IFNAR2: variants seen among roughly 807,000 people sequenced by gnomAD.
The protein encoded by IFNAR2 is interferon alpha and beta receptor subunit 2.
Under a neutral mutation model 49.4 loss-of-function variants are expected in IFNAR2, and 30 were observed. The observed-to-expected ratio is 0.61, with a 90% CI of 0.45 to 0.82. The LOEUF is 0.82. Among genes scored for constraint, IFNAR2 ranks in the 40% least tolerant of loss-of-function variants. IFNAR2 has a pLI of 0.00. For missense variants in IFNAR2, 600 were observed against 622.7 expected, an observed-to-expected ratio of 0.96 and a Z score of 0.39; for synonymous variants, 224 against 234.5, an observed-to-expected ratio of 0.96 and a Z score of 0.41.
chr21:33,262,759 A>G (rs1260769413), intron 8 of IFNAR2, 34 bp from the exon 9 acceptor site: 6 of 1,576,116 alleles, frequency 3.8e-6, no homozygotes, highest in African/African-American at 2.8e-5. Flanking sequence ...TACAGCTGAT[A>G]CGGACTCTCT....
intron 4 of IFNAR2, among the ~76,000 whole-genome samples, 169 bp from the exon 5 acceptor site, chr21:33,246,549 G>C (rs772975118): frequency 1.1e-4 from 16 of 152,184 alleles, no homozygotes; most frequent in Non-Finnish European, 2.1e-4. Flanking sequence ...GTGCAGGGGT[G>C]GGGAGGGCAT....
At position 33,246,700 on chromosome 21, in the gene IFNAR2, A is replaced by C. The variant is rs367660460; in HGVS notation, c.222-18A>C. On this transcript the variant is annotated intron_variant, in intron 4 of 8. Transcript: ENST00000342136. ...TCAATGCTAACAATTTCCTTTTTCC[A>C]TTTTTTTCTTTCCAAAGTAAACCAG... 2 of 1,600,040 alleles carry C rather than the reference A, an allele frequency of 1.2e-6. No homozygotes were observed. Among genetic ancestry groups the C allele is most frequent in the African/African-American group, 1.3e-5 (1 of 74,146 alleles).
At chr21:33,251,038 A>G (rs1480782277) in intron 6 of IFNAR2, among the ~76,000 whole-genome samples, 1 of 152,198 alleles carries the variant, frequency 6.6e-6, no homozygotes, top group Middle Eastern at 3.2e-3. Context: ...GAGAACCCGC[A>G]GCTAGAGAGA....
At chr21:33,242,374 CT>C (rs987980789) in intron 2 of IFNAR2, among the ~76,000 whole-genome samples, 2 of 152,084 alleles carry the variant, frequency 1.3e-5, no homozygotes, top group Non-Finnish European at 2.9e-5. Context: ...ACAATTGCCT[CT>C]GAGGACATTC....
chr21:33,238,910 A>C (rs1986695028), intron 1 of IFNAR2, among the ~76,000 whole-genome samples: 1 of 152,262 alleles, frequency 6.6e-6, no homozygotes, highest in Non-Finnish European at 1.5e-5. Flanking sequence ...GTTCCATCAC[A>C]AAGAGTAAGA....
intron 1 of IFNAR2, among the ~76,000 whole-genome samples, chr21:33,231,388 A>C (rs892781758): frequency 6.6e-6 from 1 of 152,262 alleles, no homozygotes; most frequent in African/African-American, 2.4e-5. Flanking sequence ...CCACAATTTT[A>C]GATAATCAAA....
chr21:33,260,609 C>A lies in IFNAR2; in HGVS notation c.722C>A (p.Ser241Tyr). ...PPGQESESAESAKIGGIITVF... is the reference protein window; with the variant it reads ...PPGQESESAEYAKIGGIITVF... ...TTTTCATCAACAGAATCAGCAGAAT[C>A]TGCCAAAATAGGAGGAATAATTACT... The change falls in exon 8 of 9, where the codon TCT (serine) becomes TAT (tyrosine). Residue 241 changes from serine to tyrosine, a missense_variant. Physicochemically the swap from Ser to Tyr is moderately radical, Grantham distance 144 (BLOSUM62 -2). Coordinates refer to ENST00000342136, the MANE Select transcript of IFNAR2 (RefSeq NM_001289125.3). The A allele has an allele frequency of 1.3e-6, 2 of 1,581,480 alleles. No individual in the cohort carries two copies. Among genetic ancestry groups the A allele is most frequent in the Non-Finnish European group, 1.7e-6 (2 of 1,171,028 alleles).
chr21:33,248,104 A>C (rs2834162), intron 5 of IFNAR2, among the ~76,000 whole-genome samples: 25,108 of 152,240 alleles, frequency 0.16, 2,295 homozygotes, highest in African/African-American at 0.2. Context: ...TTTAGAGGGA[A>C]TACAAAGAGT....
rs181827614 is a variant in IFNAR2, at chr21:33,235,597, G to T, written c.-84+5381G>T. ...TTCCACAGTCTCTCTCTCTCAACACGTAATGTTTTTTTGTTTGCTATTTAA... is the reference window on the plus strand; with the variant it reads ...TTCCACAGTCTCTCTCTCTCAACACTTAATGTTTTTTTGTTTGCTATTTAA... On this transcript the variant is annotated intron_variant, in intron 1 of 8. Transcript: ENST00000342136. Among the ~76,000 whole-genome samples, 3 of 152,010 alleles carry T rather than the reference G, an allele frequency of 2.0e-5. No homozygotes were observed. The South Asian group carries it at 6.2e-4, about 32-fold the overall frequency.
At position 33,245,012 on chromosome 21, in the gene IFNAR2, A is replaced by G. The variant is rs780063983; in HGVS notation, c.159A>G (p.Ser53=). The G allele has an allele frequency of 1.9e-6, 3 of 1,607,968 alleles. No individual in the cohort carries two copies. Among genetic ancestry groups the G allele is most frequent in the Non-Finnish European group, 1.7e-6 (2 of 1,174,812 alleles). The change falls in exon 4 of 9, where the codon TCA becomes TCG. Residue 53 remains serine (S), a synonymous_variant. Coordinates refer to ENST00000342136, the MANE Select transcript of IFNAR2 (RefSeq NM_001289125.3). ...ISLRNFRSIL[S]WELKNHSIVP... is the part of the protein sequence containing the mutation. ...TGCGAAATTTCCGGTCCATCTTATC[A>G]TGGGAATTAAAAAACCACTCCATTG...
At chr21:33,260,826 T>A in intron 8 of IFNAR2, 99 bp downstream of exon 8, 2 of 737,992 alleles carry the variant, frequency 2.7e-6, no homozygotes, top group Non-Finnish European at 4.0e-6. Context: ...GAAGAAAATC[T>A]CATTTTCTAT....
Position 33,264,015 on chromosome 21 carries a change from T to G in IFNAR2, c.*515T>G, listed in dbSNP as rs1376466091. ...CTGGGATTACAGGCGCCTGCCACCA[T>G]GCCTAGCAAATTTTTGTATTTTTAG... On this transcript the variant is annotated 3_prime_UTR_variant, in exon 9 of 9. Transcript: ENST00000342136. The G allele has an allele frequency of 6.5e-6, 1 of 153,142 alleles. No homozygotes were observed. Among genetic ancestry groups the G allele is most frequent in the Non-Finnish European group, 1.5e-5 (1 of 68,896 alleles). 9.5% of individuals were successfully genotyped at this position (153,142 alleles called of 1,614,324 possible).
Position 33,260,596 on chromosome 21 carries a change from G to T in IFNAR2, c.710-1G>T. 1 of 1,575,638 alleles carries T rather than the reference G, an allele frequency of 6.3e-7. No homozygotes were observed. The highest frequency in any genetic ancestry group is 8.6e-7 in the Non-Finnish European group (1 of 1,168,506). On this transcript the variant is annotated splice_acceptor_variant, in intron 7 of 8. Coordinates refer to ENST00000342136, the MANE Select transcript of IFNAR2 (RefSeq NM_001289125.3). LOFTEE classifies it high-confidence loss of function. Reference sequence around the variant, plus strand: ...AAAGTCATTTAATTTTTCATCAACAGAATCAGCAGAATCTGCCAAAATAGG... The same window carrying T: ...AAAGTCATTTAATTTTTCATCAACATAATCAGCAGAATCTGCCAAAATAGG...
intron 1 of IFNAR2, among the ~76,000 whole-genome samples, chr21:33,239,078 G>A (rs1333483257): frequency 1.3e-5 from 2 of 152,142 alleles, no homozygotes; most frequent in African/African-American, 4.8e-5. Context: ...CCCCGCGGGT[G>A]GTCAGTGTGA....
intron 7 of IFNAR2, among the ~76,000 whole-genome samples, chr21:33,255,359 C>T (rs1313327128): frequency 6.6e-6 from 1 of 152,214 alleles, no homozygotes; most frequent in Non-Finnish European, 1.5e-5. Flanking sequence ...ATGCCAGCCA[C>T]AAGTCATGGG....
At chr21:33,261,035 C>CTTTTTTTTTTTTTTTTT (rs368696822) in intron 8 of IFNAR2, among the ~76,000 whole-genome samples, 2 of 95,998 alleles carry the variant, frequency 2.1e-5, no homozygotes, top group African/African-American at 4.4e-5. Flanking sequence ...GTTTTCTTTC[C>CTTTTTTTTTTTTTTTTT]TTTTTTTTTT....
chr21:33,232,388 A>G (rs538109776), intron 1 of IFNAR2, among the ~76,000 whole-genome samples: 2 of 152,168 alleles, frequency 1.3e-5, no homozygotes, highest in Non-Finnish European at 2.9e-5. Context: ...AGGAGGGAAA[A>G]AGAGAGGTAT....
chr21:33,237,078 G>GGTGGGTGTGTGTGT (rs57276350), intron 1 of IFNAR2, among the ~76,000 whole-genome samples: 15,119 of 147,558 alleles, frequency 0.1, 952 homozygotes, highest in South Asian at 0.2. Flanking sequence ...GGGAGAATGG[G>GGTGGGTGTGTGTGT]GTGTGTGTGT....
intron 1 of IFNAR2, 41 bp from the exon 2 acceptor site, chr21:33,241,799 C>T: frequency 2.8e-6 from 4 of 1,444,126 alleles, no homozygotes; most frequent in Admixed American, 4.6e-5. Flanking sequence ...CCTTACAGGT[C>T]TCTCATTATC....
Sources: gnomAD v4.1 joint callset for allele counts (sites outside exome capture counted in the v4.1 genomes callset) on GRCh38, gnomAD v4.1.1 for gene constraint, MANE v1.5 for transcripts, NCBI Gene and HGNC (gene_info 2026-07-23, HGNC 2026-07-21) for gene names.